Variants in TENM2 observed in about 807,000 individuals in gnomAD.
TENM2 encodes teneurin-2.
A neutral mutation model predicts 245.2 loss-of-function variants in TENM2; 52 were observed. That is an observed-to-expected ratio of 0.21 (90% CI 0.17 to 0.27). TENM2 has a LOEUF of 0.27. TENM2 is among the 10% of genes least tolerant of loss of function. The pLI is 1.00. For missense variants in TENM2, 3,046 were observed against 3,666.8 expected, an observed-to-expected ratio of 0.83 and a Z score of 4.37; for synonymous variants, 1,363 against 1,438.9, an observed-to-expected ratio of 0.95 and a Z score of 1.19.
chr5:167,129,165 C>A, the TENM2 span, among the ~76,000 whole-genome samples: 1 of 152,076 alleles, frequency 6.6e-6, no homozygotes, highest in African/African-American at 2.4e-5. Flanking sequence ...CCCAGTGCCC[C>A]CAGAACCCAG....
chr5:167,071,278 A>C, the TENM2 span, among the ~76,000 whole-genome samples: 1 of 152,192 alleles, frequency 6.6e-6, no homozygotes, highest in Non-Finnish European at 1.5e-5. Flanking sequence ...ACTAATATTC[A>C]AGAGAGTTTA....
chr5:168,118,575 G>T, intron 10 of TENM2, 89 bp downstream of exon 12: 1 of 1,022,920 alleles, frequency 9.8e-7, no homozygotes, highest in Non-Finnish European at 1.3e-6. Flanking sequence ...CCTGGGCTGC[G>T]TGTTTTGCAA....
chr5:167,075,927 A>G, the TENM2 span, among the ~76,000 whole-genome samples: 1 of 152,234 alleles, frequency 6.6e-6, no homozygotes. Context: ...AAATGAGAAT[A>G]GCTTTGCCAG....
intron 2 of TENM2, among the ~76,000 whole-genome samples, chr5:167,602,858 TAC>T (rs1315977755): frequency 6.6e-6 from 1 of 152,078 alleles, no homozygotes; most frequent in Non-Finnish European, 1.5e-5. Context: ...TAAAAATAAA[TAC>T]AGAGTAGTAT....
At chr5:167,222,112 CT>C in the TENM2 span, among the ~76,000 whole-genome samples, 1 of 152,072 alleles carries the variant, frequency 6.6e-6, no homozygotes, top group Non-Finnish European at 1.5e-5. Context: ...CTGAAAGGGA[CT>C]TTTTTCAGTT....
At chr5:168,177,013 G>A (rs1759419740) in intron 13 of TENM2, among the ~76,000 whole-genome samples, 1 of 152,310 alleles carries the variant, frequency 6.6e-6, no homozygotes, top group African/African-American at 2.4e-5. Flanking sequence ...ACTTCGTATG[G>A]GTTGGTGCAG....
the TENM2 span, among the ~76,000 whole-genome samples, chr5:167,148,445 T>C: frequency 4.6e-5 from 7 of 152,222 alleles, no homozygotes; most frequent in African/African-American, 1.4e-4. Flanking sequence ...AACAATCCTA[T>C]AGTGAGTTTA....
At chr5:167,203,849 GA>G in the TENM2 span, among the ~76,000 whole-genome samples, 1 of 150,192 alleles carries the variant, frequency 6.7e-6, no homozygotes, top group Non-Finnish European at 1.5e-5. Context: ...CTTGCATACC[GA>G]AAAAAAAGGA....
At chr5:167,466,404 C>A (rs1171442289) in intron 2 of TENM2, among the ~76,000 whole-genome samples, 1 of 152,148 alleles carries the variant, frequency 6.6e-6, no homozygotes, top group Non-Finnish European at 1.5e-5. Flanking sequence ...GTCTAATATA[C>A]ATAACAGAAA....
the TENM2 span, among the ~76,000 whole-genome samples, chr5:167,177,742 C>T: frequency 2.0e-5 from 3 of 152,040 alleles, no homozygotes; most frequent in Admixed American, 6.6e-5. Context: ...AATAGGAACA[C>T]GGGAAAGGAC....
intron 2 of TENM2, among the ~76,000 whole-genome samples, chr5:167,542,243 A>G (rs1772260142): frequency 6.6e-6 from 1 of 152,206 alleles, no homozygotes; most frequent in South Asian, 2.1e-4. Context: ...AAATGCCATA[A>G]GTCAGTCACT....
chr5:167,044,668 C>T, the TENM2 span, among the ~76,000 whole-genome samples: 1 of 152,074 alleles, frequency 6.6e-6, no homozygotes, highest in Admixed American at 6.5e-5. Flanking sequence ...GGTGTAGAAG[C>T]CTGCTAAGGA....
chr5:167,227,724 G>T, the TENM2 span, among the ~76,000 whole-genome samples: 1 of 152,152 alleles, frequency 6.6e-6, no homozygotes, highest in Non-Finnish European at 1.5e-5. Flanking sequence ...ACTGTAATGT[G>T]CCATGAAGAA....
intron 2 of TENM2, among the ~76,000 whole-genome samples, chr5:167,801,095 GA>G (rs1176405769): frequency 0.036 from 1,816 of 50,644 alleles, 104 homozygotes; most frequent in African/African-American, 0.076. Flanking sequence ...TATTTGAAAA[GA>G]AAAAAAAAAA....
chr5:168,143,943 G>A (rs578241153), intron 12 of TENM2, among the ~76,000 whole-genome samples: 33 of 142,166 alleles, frequency 2.3e-4, no homozygotes, highest in African/African-American at 8.1e-4. Context: ...TCCGTTTCCC[G>A]GGTTCAAGAG....
At chr5:167,591,103 C>T (rs1411171488) in intron 2 of TENM2, among the ~76,000 whole-genome samples, 3 of 152,116 alleles carry the variant, frequency 2.0e-5, no homozygotes, top group East Asian at 1.9e-4. Flanking sequence ...AGCTTCCCCA[C>T]GATAAAATTT....
chr5:168,033,472 T>A (rs1276332222), intron 5 of TENM2, among the ~76,000 whole-genome samples: 1 of 152,136 alleles, frequency 6.6e-6, no homozygotes, highest in Admixed American at 6.5e-5. Context: ...TAATGATCAA[T>A]GAGAAATGTC....
chr5:167,715,512 C>T (rs1457268249), intron 2 of TENM2, among the ~76,000 whole-genome samples: 1 of 152,008 alleles, frequency 6.6e-6, no homozygotes, highest in Non-Finnish European at 1.5e-5. Context: ...TTGTTTTAAC[C>T]CCTGGGATGT....
intron 2 of TENM2, among the ~76,000 whole-genome samples, chr5:167,393,361 C>G (rs1184428933): frequency 6.6e-6 from 1 of 151,844 alleles, no homozygotes; most frequent in East Asian, 1.9e-4. Flanking sequence ...GTCGGAGGGC[C>G]AAGGAAAACT....
Sources: allele counts gnomAD v4.1 joint callset (sites outside exome capture counted in the v4.1 genomes callset), GRCh38; gene constraint gnomAD v4.1.1; transcripts MANE v1.5; gene names NCBI Gene and HGNC (gene_info 2026-07-23, HGNC 2026-07-21).